Variants in MRPL1 observed in about 807,000 individuals in gnomAD.
MRPL1 encodes the protein mitochondrial ribosomal protein L1.
MRPL1 carries 28 observed loss-of-function variants against 38.0 expected under a neutral mutation model. The observed-to-expected ratio is 0.74, with a 90% CI of 0.55 to 1.01. The LOEUF is 1.01. Among genes scored for constraint, MRPL1 ranks in the 50% least tolerant of loss-of-function variants. The pLI is 0.00. For synonymous variants in MRPL1, 123 were observed against 126.7 expected (o/e 0.97, Z 0.20); for missense variants, 358 against 389.8 (o/e 0.92, Z 0.69).
intron 2 of MRPL1, among the ~76,000 whole-genome samples, chr4:77,881,248 T>C (rs895616547): frequency 1.4e-4 from 21 of 152,112 alleles, no homozygotes; most frequent in African/African-American, 1.4e-4. Flanking sequence ...AATGATACAA[T>C]TGACCCATAC....
chr4:77,921,475 G>A (rs1342316892), intron 7 of MRPL1, among the ~76,000 whole-genome samples: 2 of 152,160 alleles, frequency 1.3e-5, no homozygotes. Context: ...GAAGATATCT[G>A]AGAGAAAAGT....
intron 1 of MRPL1, among the ~76,000 whole-genome samples, chr4:77,865,456 G>A (rs1393658239): frequency 6.7e-6 from 1 of 148,972 alleles, no homozygotes; most frequent in Non-Finnish European, 1.5e-5. Flanking sequence ...GGATCTCACT[G>A]TGTTGGCCAG....
At position 77,936,380 on chromosome 4, in the gene MRPL1, A is replaced by C. The variant is rs72871118; in HGVS notation, c.778-13417A>C. Among the ~76,000 whole-genome samples, 91 of 152,212 alleles carry C rather than the reference A, an allele frequency of 6.0e-4. 1 individual carries two copies. The highest frequency in any genetic ancestry group is 2.1e-3 in the African/African-American group (86 of 41,522). On this transcript the variant is annotated intron_variant, in intron 7 of 8. Transcript: ENST00000315567. ...CATAGGAAACCAGAAGTCTATCAGG[A>C]TCCTACAAAGCTTTCTTTAAAAACA...
At chr4:77,901,850 C>T (rs1158595408) in intron 6 of MRPL1, among the ~76,000 whole-genome samples, 1 of 152,202 alleles carries the variant, frequency 6.6e-6, no homozygotes, top group African/African-American at 2.4e-5. Context: ...TCTTAGTCAT[C>T]TTGGCCTAGC....
At chr4:77,874,521 G>C (rs1735350636) in intron 2 of MRPL1, among the ~76,000 whole-genome samples, 1 of 152,092 alleles carries the variant, frequency 6.6e-6, no homozygotes, top group Non-Finnish European at 1.5e-5. Flanking sequence ...TAAACTCTGA[G>C]AAATAGAATT....
intron 2 of MRPL1, among the ~76,000 whole-genome samples, chr4:77,876,293 T>C (rs1028791555): frequency 1.3e-5 from 2 of 152,196 alleles, no homozygotes; most frequent in Non-Finnish European, 2.9e-5. Flanking sequence ...ATTTCTGGCT[T>C]ATGCCTTTTG....
intron 6 of MRPL1, among the ~76,000 whole-genome samples, chr4:77,898,547 A>C (rs1334680149): frequency 6.6e-6 from 1 of 151,790 alleles, no homozygotes; most frequent in African/African-American, 2.4e-5. Flanking sequence ...GCTGGAGCGC[A>C]GTGGCACATC....
intron 6 of MRPL1, among the ~76,000 whole-genome samples, chr4:77,907,391 T>C (rs1201349740): frequency 6.6e-6 from 1 of 152,166 alleles, no homozygotes; most frequent in African/African-American, 2.4e-5. Context: ...TGCATCCCTT[T>C]CTCTACCTAA....
intron 7 of MRPL1, among the ~76,000 whole-genome samples, chr4:77,921,729 T>C (rs1207471033): frequency 6.6e-6 from 1 of 151,918 alleles, no homozygotes; most frequent in African/African-American, 2.4e-5. Context: ...ATAATAGCAA[T>C]CTTAACTTGC....
rs778950727 is a variant in MRPL1, at chr4:77,952,554, C to T, written c.925C>T (p.Pro309Ser). 4 of 1,613,122 alleles carry T rather than the reference C, an allele frequency of 2.5e-6. No individual in the cohort carries two copies. The South Asian group carries it at 3.3e-5, about 13-fold the overall frequency. ...TGAAGGTTTATTACTGAAGATTGAT[C>T]CATTGTTGCCTAAAGAAGTAAAAAA... ...TSEGLLLKID[P>S]LLPKEVKNEE... is the part of the protein sequence containing the mutation. The change falls in exon 9 of 9, where the codon CCA becomes TCA. Residue 309 changes from proline (P) to serine (S), a missense_variant. Transcript: ENST00000315567.
intron 4 of MRPL1, among the ~76,000 whole-genome samples, chr4:77,886,326 TG>T (rs1578042656): frequency 6.6e-6 from 1 of 152,030 alleles, no homozygotes; most frequent in East Asian, 1.9e-4. Flanking sequence ...AGCCACTATA[TG>T]GCAGGCTAAT....
chr4:77,889,730 G>A (rs1216727844), intron 5 of MRPL1, among the ~76,000 whole-genome samples: 2 of 151,992 alleles, frequency 1.3e-5, no homozygotes, highest in African/African-American at 4.8e-5. Context: ...TTGATAGATC[G>A]CTAACAAGAC....
At chr4:77,871,551 G>A (rs963439492) in intron 1 of MRPL1, among the ~76,000 whole-genome samples, 193 bp from the exon 2 acceptor site, 27 of 152,002 alleles carry the variant, frequency 1.8e-4, no homozygotes, top group Non-Finnish European at 2.9e-4. Context: ...TGATTCACCC[G>A]CCTCAGCCTC....
At position 77,907,049 on chromosome 4, in the gene MRPL1, T is replaced by C. The variant is rs944653845; in HGVS notation, c.671-2217T>C. 24 of 985,256 alleles carry C rather than the reference T, an allele frequency of 2.4e-5. 1 individual carries two copies. The East Asian group carries it at 2.3e-3, about 93-fold the overall frequency. The allele number at this position is 985,256 out of a possible 1,614,324, so 61.0% of individuals were successfully genotyped here. ...TCCTAGGAATAATGTATGCTGAGGG[T>C]ATGCCGTGCTCTCTATGTAATGAGT... On this transcript the variant is annotated intron_variant, in intron 6 of 8. Coordinates refer to ENST00000315567, the MANE Select transcript of MRPL1 (RefSeq NM_020236.4).
chr4:77,894,154 A>T lies in MRPL1; in HGVS notation c.574A>T (p.Ile192Phe). Reference protein sequence around the residue: ...SLIQKIWDDEIVADFYVAVPE... With the variant: ...SLIQKIWDDEFVADFYVAVPE... ...TAATTTTCAGATTTGGGATGATGAAATTGTTGCAGACTTTTACGTAGCTGT... is the reference window on the plus strand; with the variant it reads ...TAATTTTCAGATTTGGGATGATGAATTTGTTGCAGACTTTTACGTAGCTGT... The change falls in exon 6 of 9, where the codon ATT becomes TTT. Residue 192 changes from isoleucine to phenylalanine, a missense_variant. Ile to Phe is a conservative substitution (Grantham distance 21, BLOSUM62 0). Transcript: ENST00000315567. 2 of 1,598,128 alleles carry T rather than the reference A, an allele frequency of 1.3e-6. No homozygotes were observed. The highest frequency in any genetic ancestry group is 1.7e-6 in the Non-Finnish European group (2 of 1,171,262).
At chr4:77,894,064 G>T in intron 5 of MRPL1, 75 bp from the exon 6 acceptor site, 1 of 808,780 alleles carries the variant, frequency 1.2e-6, no homozygotes, top group East Asian at 2.6e-5. Flanking sequence ...TAAAGGAAAT[G>T]ACTACATTGT....
intron 7 of MRPL1, among the ~76,000 whole-genome samples, chr4:77,939,939 A>G (rs1190815576): frequency 6.6e-6 from 1 of 152,186 alleles, no homozygotes; most frequent in Non-Finnish European, 1.5e-5. Context: ...TGTTTTGGTG[A>G]CTATGGCCTT....
intron 6 of MRPL1, among the ~76,000 whole-genome samples, chr4:77,899,168 T>G (rs1335119271): frequency 6.6e-6 from 1 of 150,534 alleles, no homozygotes. Context: ...TCATTTTTTT[T>G]TTTTTTTTTT....
chr4:77,947,733 G>A (rs1737303843), intron 7 of MRPL1, among the ~76,000 whole-genome samples: 1 of 152,140 alleles, frequency 6.6e-6, no homozygotes, highest in African/African-American at 2.4e-5. Context: ...TGCCTACACA[G>A]CTATCTTGTC....
Sources: gnomAD v4.1 joint callset for allele counts (sites outside exome capture counted in the v4.1 genomes callset) on GRCh38, gnomAD v4.1.1 for gene constraint, MANE v1.5 for transcripts, NCBI Gene and HGNC (gene_info 2026-07-23, HGNC 2026-07-21) for gene names.